Variants in GPR39 observed in about 807,000 individuals in gnomAD.
GPR39 encodes zinc sensing receptor.
GPR39 carries 23 observed loss-of-function variants against 18.4 expected under a neutral mutation model. The ratio of observed to expected loss-of-function variants is 1.25; its 90% CI spans 0.90 to 1.77. The LOEUF (loss-of-function observed/expected upper bound fraction) is 1.77, where lower values mean the gene tolerates loss of function less well. Among genes scored for constraint, GPR39 ranks in the 40% most tolerant of loss-of-function variants. The probability of loss-of-function intolerance (pLI) is 0.00; values close to 1 mark genes in which losing one functional copy is unlikely to be tolerated. For missense variants in GPR39, 647 were observed against 602.4 expected (o/e 1.07, Z -0.78); for synonymous variants, 280 against 257.9 (o/e 1.09, Z -0.82).
intron 1 of GPR39, among the ~76,000 whole-genome samples, chr2:132,638,271 A>G (rs1316275480): frequency 6.6e-6 from 1 of 152,150 alleles, no homozygotes; most frequent in Non-Finnish European, 1.5e-5. Context: ...GACTGTAGAC[A>G]CTGATGAAAA....
At chr2:132,588,079 G>T (rs1680763074) in intron 1 of GPR39, among the ~76,000 whole-genome samples, 1 of 152,266 alleles carries the variant, frequency 6.6e-6, no homozygotes, top group African/African-American at 2.4e-5. Context: ...AGAAGGTTCA[G>T]CCTGGAAAGA....
intron 1 of GPR39, among the ~76,000 whole-genome samples, chr2:132,565,131 T>C (rs934444260): frequency 2.0e-5 from 3 of 152,122 alleles, no homozygotes; most frequent in Non-Finnish European, 4.4e-5. Context: ...TAATAACTAT[T>C]GATGCCATAA....
intron 1 of GPR39, among the ~76,000 whole-genome samples, chr2:132,476,036 CT>C (rs909271847): frequency 9.8e-4 from 144 of 147,184 alleles, no homozygotes; most frequent in African/African-American, 2.2e-3. Context: ...CAGAGGGATT[CT>C]TTTTTTTTTT....
chr2:132,466,604 C>T (rs1680931177), intron 1 of GPR39, among the ~76,000 whole-genome samples: 2 of 152,138 alleles, frequency 1.3e-5, no homozygotes, highest in South Asian at 2.1e-4. Context: ...GCAGCATAAC[C>T]CCCAGGCTAA....
intron 1 of GPR39, among the ~76,000 whole-genome samples, chr2:132,608,297 C>G (rs1247938693): frequency 1.3e-5 from 2 of 152,190 alleles, no homozygotes; most frequent in African/African-American, 2.4e-5. Flanking sequence ...CCAGTTAGAA[C>G]AGGTACATTG....
At chr2:132,472,498 G>A (rs1219925188) in intron 1 of GPR39, among the ~76,000 whole-genome samples, 2 of 152,072 alleles carry the variant, frequency 1.3e-5, no homozygotes, top group African/African-American at 4.8e-5. Flanking sequence ...TGAGGCTATA[G>A]TTCAGCCACA....
intron 1 of GPR39, among the ~76,000 whole-genome samples, chr2:132,466,505 T>C (rs1469883704): frequency 2.6e-5 from 4 of 152,146 alleles, no homozygotes; most frequent in Non-Finnish European, 5.9e-5. Context: ...AGGGCCAGGG[T>C]TGACTGAGTT....
intron 1 of GPR39, among the ~76,000 whole-genome samples, chr2:132,521,083 C>T (rs769673678): frequency 8.5e-5 from 13 of 152,182 alleles, no homozygotes; most frequent in African/African-American, 2.2e-4. Context: ...ACACGGGCTT[C>T]GTCCTCATGG....
In GPR39 at chr2:132,457,895, C is replaced by T. The variant is rs191724092; in HGVS notation, c.856+39997C>T. The stretch of plus-strand genomic sequence containing the variant: ...CTCACAGTTCGATCTTGGACTGCTG[C>T]GCTAGCAGTGAGCAAGGCTCCGTGG... On this transcript the variant is annotated intron_variant, in intron 1 of 1. Coordinates refer to ENST00000329321, the MANE Select transcript of GPR39 (RefSeq NM_001508.3). Among the ~76,000 whole-genome samples, 281 of 152,360 alleles carry T rather than the reference C, an allele frequency of 1.8e-3. 3 individuals are homozygous for T. Among genetic ancestry groups the T allele is most frequent in the African/African-American group, 6.0e-3 (251 of 41,590 alleles).
chr2:132,645,194 C>A lies in GPR39; in HGVS notation c.950C>A (p.Ser317Tyr), dbSNP rs1681989290. 1.2e-6 allele frequency: 2 copies of A among 1,614,158 alleles called. No individual in the cohort carries two copies. The highest frequency in any genetic ancestry group is 1.7e-6 in the Non-Finnish European group (2 of 1,180,028). Residue 317 changes from serine (S) to tyrosine (Y), a missense_variant, in exon 2 of 2, where the codon TCC (serine) becomes TAC (tyrosine). Transcript: ENST00000329321. The stretch of plus-strand genomic sequence containing the variant: ...AAACCCAAGCACGACTGGACGAGGT[C>A]CTACTTCCGGGCGTACATGATCCTC... Reference protein sequence around the residue: ...AAKPKHDWTRSYFRAYMILLP... With the variant: ...AAKPKHDWTRYYFRAYMILLP...
chr2:132,608,768 T>TA (rs1375319117), intron 1 of GPR39, among the ~76,000 whole-genome samples: 1 of 152,132 alleles, frequency 6.6e-6, no homozygotes, highest in Non-Finnish European at 1.5e-5. Context: ...CACCTTTAAG[T>TA]AGCCATTAGC....
At chr2:132,438,545 A>G (rs1680373663) in intron 1 of GPR39, among the ~76,000 whole-genome samples, 1 of 140,502 alleles carries the variant, frequency 7.1e-6, no homozygotes, top group Admixed American at 7.2e-5. Flanking sequence ...GTTTCTATAT[A>G]GCTCATGATA....
intron 1 of GPR39, among the ~76,000 whole-genome samples, chr2:132,574,753 A>T (rs1449953296): frequency 6.6e-6 from 1 of 152,140 alleles, no homozygotes; most frequent in Non-Finnish European, 1.5e-5. Context: ...TAAATGTTAC[A>T]ATTTATTCTA....
intron 1 of GPR39, among the ~76,000 whole-genome samples, chr2:132,535,180 A>C (rs866744542): frequency 6.6e-6 from 1 of 152,094 alleles, no homozygotes; most frequent in Admixed American, 6.6e-5. Context: ...TTGCCCATAT[A>C]GTATGATATC....
chr2:132,586,021 C>T (rs185450454), intron 1 of GPR39, among the ~76,000 whole-genome samples: 468 of 133,554 alleles, frequency 3.5e-3, no homozygotes, highest in Non-Finnish European at 5.7e-3. Context: ...TTCATTAACA[C>T]TCCCATTTGT....
chr2:132,617,554 C>T (rs1271506614), intron 1 of GPR39, among the ~76,000 whole-genome samples: 1 of 151,982 alleles, frequency 6.6e-6, no homozygotes, highest in Non-Finnish European at 1.5e-5. Context: ...CATGTTCATT[C>T]CCTTAGTCTA....
chr2:132,645,678 T>C lies in GPR39; in HGVS notation c.*72T>C. 2 of 1,530,358 alleles carry C rather than the reference T, an allele frequency of 1.3e-6. No homozygotes were observed. Among genetic ancestry groups the C allele is most frequent in the African/African-American group, 1.4e-5 (1 of 72,240 alleles). 94.8% of individuals were successfully genotyped at this position (1,530,358 alleles called of 1,614,324 possible). On this transcript the variant is annotated 3_prime_UTR_variant, in exon 2 of 2. Coordinates refer to ENST00000329321, the MANE Select transcript of GPR39 (RefSeq NM_001508.3). Reference sequence around the variant, plus strand: ...AGAAAACGTCACTCTCACTCTGCAGTCTCAAACTATGCCCCCATCAGGGAT... The same window carrying C: ...AGAAAACGTCACTCTCACTCTGCAGCCTCAAACTATGCCCCCATCAGGGAT...
chr2:132,449,716 G>C (rs1680600274), intron 1 of GPR39, among the ~76,000 whole-genome samples: 1 of 126,936 alleles, frequency 7.9e-6, no homozygotes, highest in Non-Finnish European at 1.9e-5. Context: ...TTTTAATGAA[G>C]CACTGATCCT....
At chr2:132,492,665 C>CAT (rs201127846) in intron 1 of GPR39, among the ~76,000 whole-genome samples, 2 of 130,926 alleles carry the variant, frequency 1.5e-5, no homozygotes, top group African/African-American at 3.0e-5. Context: ...ATATACACAC[C>CAT]ATATATATAT....
Sources: gnomAD v4.1 joint callset for allele counts (sites outside exome capture counted in the v4.1 genomes callset) on GRCh38, gnomAD v4.1.1 for gene constraint, MANE v1.5 for transcripts, NCBI Gene and HGNC (gene_info 2026-07-23, HGNC 2026-07-21) for gene names.